Variants in XKR6 observed in about 807,000 individuals in gnomAD.
The protein encoded by XKR6 is XK-related protein 6.
In XKR6, 22 loss-of-function variants were observed where a neutral mutation model predicts 56.7. The ratio of observed to expected loss-of-function variants is 0.39; its 90% CI spans 0.28 to 0.55. The LOEUF (loss-of-function observed/expected upper bound fraction) is 0.55, where lower values mean the gene tolerates loss of function less well. Ranked by LOEUF, XKR6 falls within the 20% of genes least tolerant of loss-of-function variation. The probability of loss-of-function intolerance (pLI) is 0.66; values close to 1 mark genes in which losing one functional copy is unlikely to be tolerated. For missense variants in XKR6, 852 were observed against 889.0 expected (o/e 0.96, Z 0.53); for synonymous variants, 524 against 387.8 (o/e 1.35, Z -4.13).
chr8:11,006,823 T>TA (rs1798380425), intron 1 of XKR6, among the ~76,000 whole-genome samples: 1 of 152,246 alleles, frequency 6.6e-6, no homozygotes, highest in East Asian at 1.9e-4. Flanking sequence ...CAGGTTACCC[T>TA]ACCAGCTACC....
At chr8:11,042,670 A>T (rs1381392789) in intron 1 of XKR6, among the ~76,000 whole-genome samples, 1 of 152,242 alleles carries the variant, frequency 6.6e-6, no homozygotes, top group East Asian at 1.9e-4. Context: ...AAAAATCCCA[A>T]ATCTGAAATC....
At chr8:11,131,721 T>A (rs1800111826) in intron 1 of XKR6, among the ~76,000 whole-genome samples, 2 of 152,144 alleles carry the variant, frequency 1.3e-5, no homozygotes, top group South Asian at 4.1e-4. Flanking sequence ...AGATGATTAT[T>A]TATACCATAT....
At chr8:11,094,869 C>T (rs1315210853) in intron 1 of XKR6, among the ~76,000 whole-genome samples, 1 of 152,138 alleles carries the variant, frequency 6.6e-6, no homozygotes, top group Non-Finnish European at 1.5e-5. Flanking sequence ...CTTTAAAACA[C>T]AGAATGCCAC....
At chr8:11,018,838 C>T (rs1243524829) in intron 1 of XKR6, among the ~76,000 whole-genome samples, 1 of 152,206 alleles carries the variant, frequency 6.6e-6, no homozygotes, top group African/African-American at 2.4e-5. Context: ...ACCTAGCGAC[C>T]TGCCTTGCTG....
intron 1 of XKR6, among the ~76,000 whole-genome samples, chr8:11,052,921 T>C (rs943379792): frequency 5.9e-5 from 9 of 152,206 alleles, no homozygotes; most frequent in African/African-American, 1.9e-4. Flanking sequence ...GTTGGGCACC[T>C]GCACCGCTGA....
Position 10,924,511 on chromosome 8 carries a change from G to A in XKR6, c.961+123C>T, listed in dbSNP as rs927747076. On this transcript the variant is annotated intron_variant, in intron 2 of 2. Coordinates refer to ENST00000416569, the MANE Select transcript of XKR6 (RefSeq NM_173683.4). The stretch of plus-strand genomic sequence containing the variant: ...ACTGCACTGGGGGCCGGGCGTCCTG[G>A]GGACTCAGGGCAGGATGGGCAATGC... The A allele has an allele frequency of 5.8e-6, 7 of 1,203,060 alleles. No individual in the cohort carries two copies. In the African/African-American group the frequency reaches 9.1e-5, roughly 16 times the overall value. The allele number at this position is 1,203,060 out of a possible 1,614,324, so 74.5% of individuals were successfully genotyped here. A position where few individuals can be genotyped will look rare whatever the true frequency, so the allele number is the denominator to read the frequency against.
intron 1 of XKR6, among the ~76,000 whole-genome samples, chr8:11,089,512 T>A (rs960574741): frequency 6.6e-6 from 1 of 152,104 alleles, no homozygotes; most frequent in Non-Finnish European, 1.5e-5. Context: ...TGATGCATGC[T>A]TATAGTCCCA....
At chr8:11,024,576 T>G (rs77171745) in intron 1 of XKR6, among the ~76,000 whole-genome samples, 5,994 of 152,324 alleles carry the variant, frequency 0.039, 405 homozygotes, top group African/African-American at 0.14. Context: ...CCTCAGGGCT[T>G]GGCCTCTCCC....
intron 2 of XKR6, among the ~76,000 whole-genome samples, chr8:10,899,750 T>C (rs1029401014): frequency 6.6e-6 from 1 of 152,212 alleles, no homozygotes; most frequent in Non-Finnish European, 1.5e-5. Flanking sequence ...TTCCAAGGCC[T>C]CTGCACTTTA....
At chr8:11,108,399 TAAG>T (rs1798760488) in intron 1 of XKR6, 1 of 444,128 alleles carries the variant, frequency 2.3e-6, no homozygotes, top group Non-Finnish European at 4.5e-6. Context: ...CCCCAAGACA[TAAG>T]AAAAAGTCAC....
At chr8:11,178,547 A>ATATATATATATATATATATGT (rs1802779230) in intron 1 of XKR6, among the ~76,000 whole-genome samples, 6 of 88,496 alleles carry the variant, frequency 6.8e-5, no homozygotes, top group East Asian at 2.2e-4. Context: ...GAGAGGTAAA[A>ATATATATATATATATATATGT]ATATATATAT....
At chr8:11,169,452 T>TA (rs144707495) in intron 1 of XKR6, among the ~76,000 whole-genome samples, 2 of 151,818 alleles carry the variant, frequency 1.3e-5, no homozygotes, top group African/African-American at 4.8e-5. Context: ...TATTTGGTCT[T>TA]AAAAAAAAGG....
chr8:10,975,500 C>G (rs1195444444), intron 1 of XKR6, among the ~76,000 whole-genome samples: 2 of 152,236 alleles, frequency 1.3e-5, no homozygotes, highest in African/African-American at 4.8e-5. Flanking sequence ...AGTTTCCATG[C>G]CCTCGCCCAC....
At chr8:10,984,540 T>C (rs1229640033) in intron 1 of XKR6, among the ~76,000 whole-genome samples, 1 of 151,964 alleles carries the variant, frequency 6.6e-6, no homozygotes. Flanking sequence ...ATCATTGTTT[T>C]CAGGGGAAAG....
intron 1 of XKR6, among the ~76,000 whole-genome samples, chr8:11,191,283 T>C (rs911666451): frequency 2.6e-5 from 4 of 152,174 alleles, no homozygotes; most frequent in African/African-American, 9.7e-5. Flanking sequence ...TACTTAATAA[T>C]TGATTCCGGC....
intron 1 of XKR6, among the ~76,000 whole-genome samples, chr8:11,069,192 T>A (rs1042825817): frequency 6.6e-6 from 1 of 151,732 alleles, no homozygotes; most frequent in Non-Finnish European, 1.5e-5. Flanking sequence ...GGCCCCACTG[T>A]CTTTGATAAG....
intron 1 of XKR6, among the ~76,000 whole-genome samples, chr8:11,089,989 CTT>C (rs1232803111): frequency 6.6e-6 from 1 of 152,184 alleles, no homozygotes; most frequent in Non-Finnish European, 1.5e-5. Context: ...GTTCACTCAA[CTT>C]TTTTTCACAT....
chr8:11,132,767 G>GCACGCACACA (rs1554468040), intron 1 of XKR6, among the ~76,000 whole-genome samples: 6,431 of 138,208 alleles, frequency 0.047, 492 homozygotes, highest in African/African-American at 0.18. Context: ...ACACACGCAC[G>GCACGCACACA]CACACACACA....
At chr8:11,054,546 C>T (rs1198157377) in intron 1 of XKR6, among the ~76,000 whole-genome samples, 1 of 152,208 alleles carries the variant, frequency 6.6e-6, no homozygotes, top group African/African-American at 2.4e-5. Flanking sequence ...ATAAATCCAC[C>T]TGGCAATGTT....
Sources: allele counts gnomAD v4.1 joint callset (sites outside exome capture counted in the v4.1 genomes callset), GRCh38; gene constraint gnomAD v4.1.1; transcripts MANE v1.5; gene names NCBI Gene and HGNC (gene_info 2026-07-23, HGNC 2026-07-21).